Variants in PARD3B observed in about 807,000 individuals in gnomAD.
The protein encoded by PARD3B is partitioning defective 3 homolog B.
In PARD3B, 103 loss-of-function variants were observed where a neutral mutation model predicts 130.2. That is an observed-to-expected ratio of 0.79 (90% confidence interval 0.67 to 0.93). The LOEUF (loss-of-function observed/expected upper bound fraction) is 0.93, where lower values mean the gene tolerates loss of function less well. Ranked by LOEUF, PARD3B falls within the 40% of genes least tolerant of loss-of-function variation. The pLI is 0.00. For missense variants in PARD3B, 1,609 were observed against 1,499.2 expected (o/e 1.07, Z -1.21); for synonymous variants, 583 against 553.2 (o/e 1.05, Z -0.76).
chr2:204,945,832 G>A (rs1311422278), intron 2 of PARD3B, among the ~76,000 whole-genome samples: 2 of 151,760 alleles, frequency 1.3e-5, no homozygotes, highest in Non-Finnish European at 1.5e-5. Context: ...CTTAATTCCT[G>A]TATTTCTTTT....
At chr2:205,489,854 C>T (rs1230125871) in intron 20 of PARD3B, among the ~76,000 whole-genome samples, 9 of 152,024 alleles carry the variant, frequency 5.9e-5, no homozygotes, top group Non-Finnish European at 1.3e-4. Flanking sequence ...AATGGAGATA[C>T]AGAAGCAGAA....
chr2:205,278,912 A>C (rs2041062545), intron 16 of PARD3B, among the ~76,000 whole-genome samples: 1 of 151,798 alleles, frequency 6.6e-6, no homozygotes, highest in South Asian at 2.1e-4. Flanking sequence ...TCTACAAAAA[A>C]ATATAAAAAT....
intron 3 of PARD3B, among the ~76,000 whole-genome samples, chr2:205,028,923 A>G (rs1401802333): frequency 6.6e-6 from 1 of 152,196 alleles, no homozygotes; most frequent in East Asian, 1.9e-4. Flanking sequence ...AAACAATTCC[A>G]TTTACAATAG....
intron 16 of PARD3B, among the ~76,000 whole-genome samples, chr2:205,272,667 GC>G (rs1307586317): frequency 6.6e-6 from 1 of 152,192 alleles, no homozygotes; most frequent in African/African-American, 2.4e-5. Flanking sequence ...ATACCGTGTA[GC>G]TTCCAACCTC....
At chr2:204,983,145 G>A (rs1278198432) in intron 3 of PARD3B, among the ~76,000 whole-genome samples, 2 of 152,118 alleles carry the variant, frequency 1.3e-5, no homozygotes, top group Non-Finnish European at 2.9e-5. Flanking sequence ...CATTGATTCT[G>A]TGAACTGTTG....
At chr2:204,884,984 G>A (rs1249989607) in intron 2 of PARD3B, among the ~76,000 whole-genome samples, 1 of 152,150 alleles carries the variant, frequency 6.6e-6, no homozygotes, top group Non-Finnish European at 1.5e-5. Context: ...AATCCTTTGG[G>A]TATATACCCA....
intron 5 of PARD3B, among the ~76,000 whole-genome samples, chr2:205,113,143 C>T (rs915674689): frequency 1.3e-5 from 2 of 152,084 alleles, no homozygotes; most frequent in African/African-American, 2.4e-5. Flanking sequence ...CAGCAATTTT[C>T]AAGTGTGTTT....
At chr2:205,303,286 T>C (rs1353298810) in intron 18 of PARD3B, among the ~76,000 whole-genome samples, 3 of 152,198 alleles carry the variant, frequency 2.0e-5, no homozygotes, top group Non-Finnish European at 4.4e-5. Flanking sequence ...TTTACTTAAC[T>C]GGCATTATCT....
chr2:205,282,114 C>T (rs1490482480), intron 16 of PARD3B, among the ~76,000 whole-genome samples: 1 of 151,862 alleles, frequency 6.6e-6, no homozygotes, highest in Non-Finnish European at 1.5e-5. Flanking sequence ...GATCATTTCA[C>T]CATAGGAGAA....
At position 205,344,299 on chromosome 2, in the gene PARD3B, G is replaced by T. The variant is rs925588050; in HGVS notation, c.2630+42598G>T. Among the ~76,000 whole-genome samples, 7 of 151,762 alleles carry T rather than the reference G, an allele frequency of 4.6e-5. No individual in the cohort carries two copies. The East Asian group carries it at 1.4e-3, about 30-fold the overall frequency. On this transcript the variant is annotated intron_variant, in intron 18 of 22. Coordinates refer to ENST00000406610, the MANE Select transcript of PARD3B (RefSeq NM_001302769.2). Reference sequence around the variant, plus strand: ...AAAGACAGAGACATACAGGCATGTGGATATGGAGTGGATGAGGCACACAGA... The same window carrying T: ...AAAGACAGAGACATACAGGCATGTGTATATGGAGTGGATGAGGCACACAGA...
At chr2:205,002,404 C>T (rs949476930) in intron 3 of PARD3B, among the ~76,000 whole-genome samples, 3 of 152,154 alleles carry the variant, frequency 2.0e-5, no homozygotes, top group Non-Finnish European at 4.4e-5. Flanking sequence ...CTATTCCCAC[C>T]CCTACCCAGC....
intron 1 of PARD3B, among the ~76,000 whole-genome samples, chr2:204,662,284 T>C (rs1377061859): frequency 6.6e-6 from 1 of 152,214 alleles, no homozygotes; most frequent in Admixed American, 6.5e-5. Flanking sequence ...ACTGGGAAGC[T>C]GTCAAGCTCA....
At chr2:204,995,136 G>A (rs1380230522) in intron 3 of PARD3B, among the ~76,000 whole-genome samples, 2 of 152,072 alleles carry the variant, frequency 1.3e-5, no homozygotes, top group Non-Finnish European at 2.9e-5. Context: ...ATGTTAGCTG[G>A]TGATTTTGCT....
intron 1 of PARD3B, 38 bp downstream of exon 1, chr2:204,546,157 CA>C (rs1394479697): frequency 1.3e-5 from 20 of 1,548,552 alleles, no homozygotes; most frequent in Non-Finnish European, 1.7e-5. Flanking sequence ...CGGCTGCAGC[CA>C]AGGCACCTGC....
chr2:205,318,455 G>T (rs956319254), intron 18 of PARD3B, among the ~76,000 whole-genome samples: 20 of 152,104 alleles, frequency 1.3e-4, no homozygotes, highest in Admixed American at 1.3e-3. Flanking sequence ...GTGATATGAC[G>T]ACTATCGCAC....
intron 3 of PARD3B, among the ~76,000 whole-genome samples, chr2:204,997,332 G>C (rs1188590446): frequency 2.0e-5 from 3 of 152,136 alleles, no homozygotes; most frequent in Non-Finnish European, 4.4e-5. Flanking sequence ...GATTAGTTTG[G>C]AGAGAATTGG....
chr2:205,174,135 T>C (rs1008112184), intron 12 of PARD3B, among the ~76,000 whole-genome samples: 4 of 152,232 alleles, frequency 2.6e-5, no homozygotes, highest in African/African-American at 9.6e-5. Flanking sequence ...TGGCACACTT[T>C]ACTATTTGCA....
chr2:204,940,419 G>A (rs1575368460), intron 2 of PARD3B, among the ~76,000 whole-genome samples: 2 of 152,058 alleles, frequency 1.3e-5, no homozygotes, highest in Admixed American at 6.5e-5. Flanking sequence ...GCATTGACAG[G>A]TAAGTGACTG....
chr2:205,561,282 C>A (rs935477620), intron 22 of PARD3B, among the ~76,000 whole-genome samples: 1 of 152,128 alleles, frequency 6.6e-6, no homozygotes, highest in Non-Finnish European at 1.5e-5. Flanking sequence ...AAGTCACTGG[C>A]GGTGACATTC....
Sources: gnomAD v4.1 joint callset for allele counts (sites outside exome capture counted in the v4.1 genomes callset) on GRCh38, gnomAD v4.1.1 for gene constraint, MANE v1.5 for transcripts, NCBI Gene and HGNC (gene_info 2026-07-23, HGNC 2026-07-21) for gene names.